PIK3CB: variants seen among roughly 807,000 people sequenced by gnomAD.
The protein encoded by PIK3CB is phosphatidylinositol 4,5-bisphosphate 3-kinase catalytic subunit beta isoform.
A neutral mutation model predicts 136.8 loss-of-function variants in PIK3CB; 39 were observed. The ratio of observed to expected loss-of-function variants is 0.29; its 90% CI spans 0.22 to 0.37. The LOEUF (loss-of-function observed/expected upper bound fraction) is 0.37, where lower values mean the gene tolerates loss of function less well. Ranked by LOEUF, PIK3CB falls within the 10% of genes least tolerant of loss-of-function variation. PIK3CB has a pLI of 1.00. For synonymous variants in PIK3CB, 428 were observed against 436.6 expected, an observed-to-expected ratio of 0.98 and a Z score of 0.25; for missense variants, 868 against 1,275.4, an observed-to-expected ratio of 0.68 and a Z score of 4.87.
Position 138,682,064 on chromosome 3 carries a change from C to T in PIK3CB, c.2426-19G>A, listed in dbSNP as rs1206596597. The T allele has an allele frequency of 6.5e-7, 1 of 1,539,782 alleles. No homozygotes were observed. Reference sequence around the variant, plus strand: ...CGTAAATCTAAGGGAAAACAAACTGCTTCATTACAAGTGCTTTTCCTTTTA... The same window carrying T: ...CGTAAATCTAAGGGAAAACAAACTGTTTCATTACAAGTGCTTTTCCTTTTA... On this transcript the variant is annotated intron_variant, in intron 18 of 23. Transcript: ENST00000674063.
rs2043951254 is a variant in PIK3CB, at chr3:138,688,902, C to T, written c.2109G>A (p.Val703=). The change falls in exon 16 of 24, where the codon GTG becomes GTA. Residue 703 remains valine (V), a synonymous_variant. Coordinates refer to ENST00000674063, the MANE Select transcript of PIK3CB (RefSeq NM_006219.3). ...VILEAYCRGS[V]GHMKVLSKQV... ...GCTTAGAAAGCACTTTCATGTGCCC[C>T]ACACTTCCCCGGCAGTATGCTTCAA... is the stretch of plus-strand genomic sequence containing the variant. The T allele has an allele frequency of 1.2e-6, 2 of 1,613,368 alleles. No homozygotes were observed. Among genetic ancestry groups the T allele is most frequent in the Non-Finnish European group, 1.7e-6 (2 of 1,179,454 alleles).
At chr3:138,659,727 T>C (rs929800813) in intron 21 of PIK3CB, among the ~76,000 whole-genome samples, 17 of 152,234 alleles carry the variant, frequency 1.1e-4, no homozygotes, top group Admixed American at 4.6e-4. Flanking sequence ...TGAAATTTCA[T>C]AGTGCAGGTA....
chr3:138,766,782 G>A (rs943406154), intron 2 of PIK3CB, among the ~76,000 whole-genome samples: 3 of 152,162 alleles, frequency 2.0e-5, no homozygotes, highest in African/African-American at 7.2e-5. Flanking sequence ...GAATTATTGT[G>A]TTTAAAGACC....
chr3:138,794,634 T>C (rs755529727), intron 2 of PIK3CB, among the ~76,000 whole-genome samples: 2 of 152,158 alleles, frequency 1.3e-5, no homozygotes, highest in Non-Finnish European at 2.9e-5. Flanking sequence ...GAGCATTTAC[T>C]AATATACCAA....
intron 19 of PIK3CB, 109 bp downstream of exon 19, chr3:138,681,858 G>A: frequency 1.6e-6 from 1 of 635,690 alleles, no homozygotes; most frequent in South Asian, 2.1e-5. Context: ...ATATTATTAT[G>A]AACAACAACT....
intron 1 of PIK3CB, among the ~76,000 whole-genome samples, chr3:138,811,755 A>G (rs1022802509): frequency 3.3e-5 from 5 of 151,968 alleles, no homozygotes; most frequent in African/African-American, 9.7e-5. Flanking sequence ...ACAGATAAAC[A>G]TAACAATTTA....
chr3:138,656,212 G>A lies in PIK3CB; in HGVS notation c.3005C>T (p.Thr1002Ile). The A allele has an allele frequency of 6.2e-7, 1 of 1,614,070 alleles. No homozygotes were observed. Among genetic ancestry groups the A allele is most frequent in the Non-Finnish European group, 8.5e-7 (1 of 1,179,920 alleles). ...ILRRHGNLFI[T>I]LFALMLTAGL... is the part of the protein sequence containing the mutation. Reference sequence around the variant, plus strand: ...TGCAGTCAACATCAGCGCAAAGAGAGTGATGAAGAGATTCCCATGCCGTCG... The same window carrying A: ...TGCAGTCAACATCAGCGCAAAGAGAATGATGAAGAGATTCCCATGCCGTCG... The change falls in exon 23 of 24, where the codon ACT becomes ATT. Residue 1002 changes from threonine (T) to isoleucine (I), a missense_variant. By Grantham distance (89) the Thr-to-Ile change is moderately conservative. Transcript: ENST00000674063.
chr3:138,768,237 C>G (rs181187216), intron 2 of PIK3CB, among the ~76,000 whole-genome samples: 3 of 151,854 alleles, frequency 2.0e-5, no homozygotes, highest in African/African-American at 7.2e-5. Flanking sequence ...GGTAGCTCCT[C>G]TCTGCACCCT....
At chr3:138,767,670 G>A (rs1195261643) in intron 2 of PIK3CB, among the ~76,000 whole-genome samples, 1 of 152,220 alleles carries the variant, frequency 6.6e-6, no homozygotes, top group Non-Finnish European at 1.5e-5. Flanking sequence ...CCCCTGCACA[G>A]TCAGACTTGC....
chr3:138,759,605 C>T (rs1394603816), intron 2 of PIK3CB, among the ~76,000 whole-genome samples: 1 of 151,920 alleles, frequency 6.6e-6, no homozygotes. Context: ...ATACCACCAA[C>T]TAAAGGAAAA....
intron 8 of PIK3CB, among the ~76,000 whole-genome samples, chr3:138,727,999 C>T (rs913892262): frequency 3.3e-5 from 5 of 151,962 alleles, no homozygotes; most frequent in Non-Finnish European, 7.4e-5. Flanking sequence ...CCTCGAGATC[C>T]GCCCGCCTCG....
chr3:138,709,530 G>C lies in PIK3CB; in HGVS notation c.1400-2241C>G, dbSNP rs543459191. ...AGTTAGGAAAAAAAATAATAAACGT[G>C]ATTGTATACCTTGTAATGATGACCT... On this transcript the variant is annotated intron_variant, in intron 10 of 23. Transcript: ENST00000674063. 2.6e-5 allele frequency among the ~76,000 whole-genome samples: 4 copies of C among 152,252 alleles called. No homozygotes were observed. In the South Asian group the frequency reaches 8.3e-4, roughly 32 times the overall value.
chr3:138,743,258 T>TACACA (rs2045280069), intron 4 of PIK3CB, among the ~76,000 whole-genome samples: 1 of 152,168 alleles, frequency 6.6e-6, no homozygotes, highest in African/African-American at 2.4e-5. Context: ...ATGGCTACAA[T>TACACA]ACACAGGGGC....
At chr3:138,682,444 G>A (rs201060256) in intron 18 of PIK3CB, among the ~76,000 whole-genome samples, 1 of 152,160 alleles carries the variant, frequency 6.6e-6, no homozygotes, top group Non-Finnish European at 1.5e-5. Context: ...CTAGAGGTCC[G>A]AGAGGATAAC....
At chr3:138,710,880 C>T (rs573446243) in intron 10 of PIK3CB, among the ~76,000 whole-genome samples, 1 of 151,576 alleles carries the variant, frequency 6.6e-6, no homozygotes, top group East Asian at 2.0e-4. Flanking sequence ...GTCAGGAGAT[C>T]GAGACGATCC....
chr3:138,764,839 A>G (rs1187771050), intron 2 of PIK3CB, among the ~76,000 whole-genome samples: 1 of 151,802 alleles, frequency 6.6e-6, no homozygotes, highest in Non-Finnish European at 1.5e-5. Flanking sequence ...CTTCCCTGAT[A>G]CTCCTCGGTG....
intron 8 of PIK3CB, among the ~76,000 whole-genome samples, chr3:138,716,834 C>A (rs1051548254): frequency 8.2e-6 from 1 of 121,266 alleles, no homozygotes; most frequent in African/African-American, 3.3e-5. Flanking sequence ...AGGCGGGTTG[C>A]AGTGAGCCAA....
chr3:138,785,244 A>T (rs536135870), intron 2 of PIK3CB, among the ~76,000 whole-genome samples: 1 of 148,282 alleles, frequency 6.7e-6, no homozygotes, highest in African/African-American at 2.5e-5. Flanking sequence ...GGCGGGGGGA[A>T]GCTCCCGCCC....
intron 19 of PIK3CB, among the ~76,000 whole-genome samples, chr3:138,671,426 A>G (rs536110775): frequency 6.6e-6 from 1 of 152,316 alleles, no homozygotes; most frequent in South Asian, 2.1e-4. Context: ...AACCTTGTAG[A>G]CTAAGGTTGT....
Sources: allele counts gnomAD v4.1 joint callset (sites outside exome capture counted in the v4.1 genomes callset), GRCh38; gene constraint gnomAD v4.1.1; transcripts MANE v1.5; gene names NCBI Gene and HGNC (gene_info 2026-07-23, HGNC 2026-07-21).